CSMD1: variants seen among roughly 807,000 people sequenced by gnomAD.
CSMD1 encodes the protein CUB and sushi domain-containing protein 1.
In CSMD1, 213 loss-of-function variants were observed where a neutral mutation model predicts 417.5. That is an observed-to-expected ratio of 0.51 (90% CI 0.46 to 0.57). The LOEUF (loss-of-function observed/expected upper bound fraction) is 0.57. Ranked by LOEUF, CSMD1 falls within the 20% of genes least tolerant of loss-of-function variation. The pLI is 0.00. For synonymous variants in CSMD1, 2,862 were observed against 1,736.8 expected, an observed-to-expected ratio of 1.65 and a Z score of -16.11; for missense variants, 6,923 against 4,529.7, an observed-to-expected ratio of 1.53 and a Z score of -15.17.
intron 21 of CSMD1, among the ~76,000 whole-genome samples, chr8:3,348,613 G>T (rs558759583): frequency 7.2e-5 from 11 of 152,228 alleles, no homozygotes; most frequent in African/African-American, 2.2e-4. Context: ...CAACTGGGAC[G>T]CATTCAAAGG....
At chr8:4,672,605 T>C (rs187496432) in intron 1 of CSMD1, among the ~76,000 whole-genome samples, 1 of 152,292 alleles carries the variant, frequency 6.6e-6, no homozygotes, top group Admixed American at 6.5e-5. Flanking sequence ...TAAAATGTGC[T>C]ACGTATGCAG....
At chr8:4,114,526 G>A (rs1006293476) in intron 3 of CSMD1, among the ~76,000 whole-genome samples, 1 of 149,826 alleles carries the variant, frequency 6.7e-6, no homozygotes, top group Non-Finnish European at 1.5e-5. Flanking sequence ...CATGGATCAA[G>A]GAATAACTCA....
At chr8:4,554,672 A>T (rs1425710747) in intron 2 of CSMD1, among the ~76,000 whole-genome samples, 2 of 152,202 alleles carry the variant, frequency 1.3e-5, no homozygotes, top group Non-Finnish European at 2.9e-5. Context: ...AATATTAAAC[A>T]ATGTGATAAG....
At chr8:3,412,006 A>ATATATGCACG (rs1812807029) in intron 12 of CSMD1, among the ~76,000 whole-genome samples, 2 of 27,810 alleles carry the variant, frequency 7.2e-5, no homozygotes, top group African/African-American at 2.5e-4. Context: ...ATATACACGT[A>ATATATGCACG]TATATATACA....
rs182005463 is a variant in CSMD1, at chr8:4,234,001, G to C, written c.415+185952C>G. On this transcript the variant is annotated intron_variant, in intron 3 of 69. Coordinates refer to ENST00000635120, the MANE Select transcript of CSMD1 (RefSeq NM_033225.6). ...GGTGGGGGAACATGTGATCCCTTCTGCCTGAGAGGTTCTGGCATCTGGTTA... is the reference window on the plus strand; with the variant it reads ...GGTGGGGGAACATGTGATCCCTTCTCCCTGAGAGGTTCTGGCATCTGGTTA... Among the ~76,000 whole-genome samples, 510 of 152,192 alleles carry C rather than the reference G, an allele frequency of 3.4e-3. 7 individuals are homozygous for C. The highest frequency in any genetic ancestry group is 0.03 in the Admixed American group (453 of 15,276).
chr8:4,269,235 T>C (rs1804417758), intron 3 of CSMD1, among the ~76,000 whole-genome samples: 1 of 152,086 alleles, frequency 6.6e-6, no homozygotes, highest in Non-Finnish European at 1.5e-5. Flanking sequence ...TTTTGTATAT[T>C]TAGCAGAGAT....
intron 3 of CSMD1, among the ~76,000 whole-genome samples, chr8:4,087,033 C>T (rs1374282299): frequency 1.3e-5 from 2 of 152,164 alleles, no homozygotes; most frequent in Admixed American, 6.5e-5. Flanking sequence ...GAATTAAGTT[C>T]CTCCCCAGTG....
At chr8:4,520,257 T>G (rs969769619) in intron 2 of CSMD1, among the ~76,000 whole-genome samples, 4 of 152,174 alleles carry the variant, frequency 2.6e-5, no homozygotes, top group African/African-American at 9.6e-5. Context: ...GGATTTCACA[T>G]GGACATAGTT....
At chr8:4,788,571 G>C (rs910308741) in intron 1 of CSMD1, 6 of 1,337,290 alleles carry the variant, frequency 4.5e-6, no homozygotes, top group Non-Finnish European at 6.1e-6. Flanking sequence ...AAGAAAATCA[G>C]AGAATGTAAT....
At chr8:3,594,196 C>T (rs1010711961) in intron 8 of CSMD1, among the ~76,000 whole-genome samples, 1 of 152,104 alleles carries the variant, frequency 6.6e-6, no homozygotes, top group African/African-American at 2.4e-5. Flanking sequence ...TACGGCCGTC[C>T]CCAAATGCAC....
At chr8:4,836,515 C>T (rs559504012) in intron 1 of CSMD1, among the ~76,000 whole-genome samples, 5 of 152,226 alleles carry the variant, frequency 3.3e-5, no homozygotes, top group African/African-American at 7.2e-5. Context: ...CATGCATATG[C>T]TAATTGTAAT....
At chr8:4,919,560 A>T (rs181809804) in intron 1 of CSMD1, among the ~76,000 whole-genome samples, 1 of 152,228 alleles carries the variant, frequency 6.6e-6, no homozygotes, top group Non-Finnish European at 1.5e-5. Context: ...ATGTTGACAT[A>T]AAATAAAATG....
At chr8:4,007,260 G>A (rs534856037) in intron 4 of CSMD1, among the ~76,000 whole-genome samples, 1 of 152,096 alleles carries the variant, frequency 6.6e-6, no homozygotes, top group Non-Finnish European at 1.5e-5. Flanking sequence ...TAAAACCAAA[G>A]CTTACCAGGC....
intron 5 of CSMD1, among the ~76,000 whole-genome samples, chr8:3,795,727 T>TCTATCATGTACAGCTATAGATAC (rs1800047124): frequency 4.3e-5 from 2 of 46,764 alleles, no homozygotes. Context: ...GCTATAGATA[T>TCTATCATGTACAGCTATAGATAC]CTATCATGTA....
At chr8:3,182,301 C>A (rs1821386040) in intron 36 of CSMD1, among the ~76,000 whole-genome samples, 1 of 152,134 alleles carries the variant, frequency 6.6e-6, no homozygotes, top group Admixed American at 6.5e-5. Flanking sequence ...GGCTGGAGTG[C>A]AGTGGCACAA....
At chr8:4,724,899 A>C (rs1204768832) in intron 1 of CSMD1, among the ~76,000 whole-genome samples, 1 of 152,154 alleles carries the variant, frequency 6.6e-6, no homozygotes, top group African/African-American at 2.4e-5. Flanking sequence ...AATATGAATG[A>C]AACAAATCAT....
At chr8:4,143,272 G>T (rs746385119) in intron 3 of CSMD1, among the ~76,000 whole-genome samples, 21 of 150,822 alleles carry the variant, frequency 1.4e-4, no homozygotes, top group East Asian at 5.8e-4. Flanking sequence ...TGTCCTCAAA[G>T]AAATTTCTCC....
chr8:4,806,470 C>A (rs1798595091), intron 1 of CSMD1, among the ~76,000 whole-genome samples: 1 of 146,746 alleles, frequency 6.8e-6, no homozygotes, highest in Admixed American at 7.1e-5. Context: ...CCACGCCCAT[C>A]TGTGGGCCAT....
intron 25 of CSMD1, among the ~76,000 whole-genome samples, chr8:3,285,732 T>A (rs1342414037): frequency 1.3e-5 from 2 of 151,976 alleles, no homozygotes; most frequent in Non-Finnish European, 1.5e-5. Flanking sequence ...ATCTTATACA[T>A]GCAACAATTT....
Sources: allele counts gnomAD v4.1 joint callset (sites outside exome capture counted in the v4.1 genomes callset), GRCh38; gene constraint gnomAD v4.1.1; transcripts MANE v1.5; gene names NCBI Gene and HGNC (gene_info 2026-07-23, HGNC 2026-07-21).